XXYLT1: variants seen among roughly 807,000 people sequenced by gnomAD.
The protein encoded by XXYLT1 is xyloside xylosyltransferase 1.
A neutral mutation model predicts 28.9 loss-of-function variants in XXYLT1; 20 were observed. The observed-to-expected ratio is 0.69, with a 90% CI of 0.49 to 1.00. XXYLT1 has a LOEUF of 1.00. Among genes scored for constraint, XXYLT1 ranks in the 50% least tolerant of loss-of-function variants. XXYLT1 has a pLI of 0.00. For missense variants in XXYLT1, 542 were observed against 560.1 expected, an observed-to-expected ratio of 0.97 and a Z score of 0.33; for synonymous variants, 257 against 253.8, an observed-to-expected ratio of 1.01 and a Z score of -0.12.
At chr3:195,167,417 C>T (rs1721183103) in intron 2 of XXYLT1, among the ~76,000 whole-genome samples, 1 of 152,048 alleles carries the variant, frequency 6.6e-6, no homozygotes, top group East Asian at 1.9e-4. Context: ...ATGGTGAAAC[C>T]CCATCTCTAC....
chr3:195,109,610 T>TGTGGTGTG (rs1717359876), intron 3 of XXYLT1, among the ~76,000 whole-genome samples: 1 of 70,804 alleles, frequency 1.4e-5, no homozygotes, highest in Admixed American at 1.5e-4. Context: ...GTGGTGTGTG[T>TGTGGTGTG]TGTATGAGTG....
intron 3 of XXYLT1, among the ~76,000 whole-genome samples, chr3:195,153,730 C>T (rs758435625): frequency 3.3e-5 from 5 of 152,230 alleles, no homozygotes; most frequent in Admixed American, 6.5e-5. Flanking sequence ...TCTGGCCAAT[C>T]CTGTCTAAGC....
chr3:195,193,573 A>G (rs59410531), intron 2 of XXYLT1, among the ~76,000 whole-genome samples: 7,806 of 152,240 alleles, frequency 0.051, 618 homozygotes, highest in African/African-American at 0.18. Flanking sequence ...CAAAAACTTA[A>G]AAAAGCCAAA....
At chr3:195,110,466 G>GT (rs1717569363) in intron 3 of XXYLT1, among the ~76,000 whole-genome samples, 1 of 17,838 alleles carries the variant, frequency 5.6e-5, no homozygotes, top group African/African-American at 1.9e-4. Flanking sequence ...TGTGGTGTGT[G>GT]GGTGAGGTGT....
At chr3:195,198,836 A>G (rs963582758) in intron 2 of XXYLT1, among the ~76,000 whole-genome samples, 3 of 152,184 alleles carry the variant, frequency 2.0e-5, no homozygotes, top group African/African-American at 4.8e-5. Context: ...TCATCTCAGG[A>G]AGCAAAATAT....
chr3:195,096,584 T>G (rs1716460013), intron 3 of XXYLT1, among the ~76,000 whole-genome samples: 1 of 152,234 alleles, frequency 6.6e-6, no homozygotes, highest in Non-Finnish European at 1.5e-5. Flanking sequence ...GAAGTTGAAC[T>G]CGTTTCTTCA....
intron 2 of XXYLT1, among the ~76,000 whole-genome samples, chr3:195,187,762 T>A (rs928894701): frequency 3.3e-5 from 5 of 152,214 alleles, no homozygotes; most frequent in African/African-American, 1.2e-4. Flanking sequence ...ATGCTCTTAA[T>A]ATTATGGAAA....
intron 3 of XXYLT1, among the ~76,000 whole-genome samples, chr3:195,080,808 G>A (rs946846449): frequency 1.3e-5 from 2 of 152,218 alleles, no homozygotes; most frequent in Non-Finnish European, 2.9e-5. Context: ...TCACCCTCAT[G>A]GGAGGGGGTG....
chr3:195,106,527 G>A (rs559624937), intron 3 of XXYLT1, among the ~76,000 whole-genome samples: 1 of 152,332 alleles, frequency 6.6e-6, no homozygotes, highest in African/African-American at 2.4e-5. Context: ...TCGGTGATTC[G>A]GGGCTGCGGT....
intron 3 of XXYLT1, among the ~76,000 whole-genome samples, chr3:195,110,356 T>C (rs2108694496): frequency 1.1e-5 from 1 of 92,198 alleles, no homozygotes; most frequent in African/African-American, 4.5e-5. Flanking sequence ...GTGTGTGGTG[T>C]ATGTGCGTGC....
At chr3:195,196,050 C>T (rs1240663548) in intron 2 of XXYLT1, among the ~76,000 whole-genome samples, 6 of 152,204 alleles carry the variant, frequency 3.9e-5, no homozygotes, top group African/African-American at 1.4e-4. Flanking sequence ...TTCAATCACC[C>T]AGGAAGCAGC....
chr3:195,127,837 AAAGT>A (rs573821924), intron 3 of XXYLT1, among the ~76,000 whole-genome samples: 20 of 152,288 alleles, frequency 1.3e-4, no homozygotes, highest in African/African-American at 4.3e-4. Flanking sequence ...GTATTAATAA[AAAGT>A]AAGATATTTG....
chr3:195,102,379 C>T (rs1012076174), intron 3 of XXYLT1, among the ~76,000 whole-genome samples: 12 of 152,138 alleles, frequency 7.9e-5, no homozygotes, highest in South Asian at 2.1e-4. Flanking sequence ...CCTCTAGACC[C>T]GTTCATCCCA....
chr3:195,127,974 C>T (rs1336436325), intron 3 of XXYLT1, among the ~76,000 whole-genome samples: 1 of 152,168 alleles, frequency 6.6e-6, no homozygotes, highest in East Asian at 1.9e-4. Context: ...GGAGCTTAAA[C>T]ATCCAAACAT....
chr3:195,068,297 T>C lies in XXYLT1; in HGVS notation c.*1418A>G, dbSNP rs895719860. The C allele has an allele frequency of 6.6e-6, 1 of 152,118 alleles. No homozygotes were observed. The highest frequency in any genetic ancestry group is 1.5e-5 in the Non-Finnish European group (1 of 68,030). 9.4% of individuals were successfully genotyped at this position (152,118 alleles called of 1,614,324 possible). A position where few individuals can be genotyped will look rare whatever the true frequency, so the allele number is the denominator to read the frequency against. ...TGAATCACCATGTTCTCAAAGATGATTTATTGGCTATCCTCACTCATGGGA... is the reference window on the plus strand; with the variant it reads ...TGAATCACCATGTTCTCAAAGATGACTTATTGGCTATCCTCACTCATGGGA... On this transcript the variant is annotated 3_prime_UTR_variant, in exon 4 of 4. Coordinates refer to ENST00000310380, the MANE Select transcript of XXYLT1 (RefSeq NM_152531.5).
chr3:195,167,051 G>A (rs373944016), intron 2 of XXYLT1, among the ~76,000 whole-genome samples: 32 of 152,240 alleles, frequency 2.1e-4, no homozygotes, highest in African/African-American at 7.5e-4. Context: ...CGCAGGCTGT[G>A]CATCTTTGTC....
intron 1 of XXYLT1, among the ~76,000 whole-genome samples, chr3:195,259,336 C>T (rs941016568): frequency 6.6e-6 from 1 of 152,258 alleles, no homozygotes; most frequent in Non-Finnish European, 1.5e-5. Context: ...TTAGAGTGGC[C>T]TCTCAGAGTC....
intron 3 of XXYLT1, among the ~76,000 whole-genome samples, chr3:195,082,673 C>T (rs925604405): frequency 2.0e-5 from 3 of 152,034 alleles, no homozygotes; most frequent in Non-Finnish European, 4.4e-5. Context: ...GCTAGCATGG[C>T]GAAACTCCAA....
chr3:195,130,464 A>G (rs1718847532), intron 3 of XXYLT1, among the ~76,000 whole-genome samples: 1 of 152,254 alleles, frequency 6.6e-6, no homozygotes, highest in Admixed American at 6.5e-5. Flanking sequence ...ACACCAGGTA[A>G]GATTAAATAA....
Sources: allele counts gnomAD v4.1 joint callset (sites outside exome capture counted in the v4.1 genomes callset), GRCh38; gene constraint gnomAD v4.1.1; transcripts MANE v1.5; gene names NCBI Gene and HGNC (gene_info 2026-07-23, HGNC 2026-07-21).